The following PDZD8 variants were observed in gnomAD, a reference collection of about 807,000 sequenced individuals.
PDZD8 encodes the protein PDZ domain-containing protein 8.
A neutral mutation model predicts 85.8 loss-of-function variants in PDZD8; 14 were observed. That is an observed-to-expected ratio of 0.16 (90% CI 0.11 to 0.26). The LOEUF (loss-of-function observed/expected upper bound fraction) is 0.26, where lower values mean the gene tolerates loss of function less well. PDZD8 is among the 10% of genes least tolerant of loss of function. The pLI is 1.00. For missense variants in PDZD8, 1,197 were observed against 1,424.3 expected (o/e 0.84, Z 2.57); for synonymous variants, 592 against 568.6 (o/e 1.04, Z -0.59).
chr10:117,311,137 T>G (rs1456423858), intron 3 of PDZD8, among the ~76,000 whole-genome samples: 6 of 152,196 alleles, frequency 3.9e-5, no homozygotes, highest in Non-Finnish European at 8.8e-5. Flanking sequence ...ACTATACACA[T>G]AGAGTAAGAA....
At chr10:117,349,357 G>A (rs896959060) in intron 1 of PDZD8, among the ~76,000 whole-genome samples, 1 of 152,186 alleles carries the variant, frequency 6.6e-6, no homozygotes, top group African/African-American at 2.4e-5. Context: ...TGCTTTGAAT[G>A]GCACCAAGGT....
intron 4 of PDZD8, among the ~76,000 whole-genome samples, chr10:117,289,742 G>C (rs1218260878): frequency 6.6e-6 from 1 of 152,196 alleles, no homozygotes; most frequent in Non-Finnish European, 1.5e-5. Flanking sequence ...TCCTGGAAAA[G>C]GAATGTTGGT....
At position 117,279,876 on chromosome 10, in the gene PDZD8, G is replaced by A. The variant is rs917494422; in HGVS notation, c.*3392C>T. 4 of 152,116 alleles carry A rather than the reference G, an allele frequency of 2.6e-5. No individual in the cohort carries two copies. The highest frequency in any genetic ancestry group is 2.6e-4 in the Admixed American group (4 of 15,268). The allele number at this position is 152,116 out of a possible 1,614,324, so 9.4% of individuals were successfully genotyped here. On this transcript the variant is annotated 3_prime_UTR_variant, in exon 5 of 5. Transcript: ENST00000334464. ...CTAAAAGCGGATCTATGGCCCAAAA[G>A]GAATTAGGGGAACCTCTCCTTCTTT...
intron 2 of PDZD8, among the ~76,000 whole-genome samples, chr10:117,333,143 A>AAAAAAAAAC: frequency 6.7e-6 from 1 of 148,988 alleles, no homozygotes; most frequent in South Asian, 2.1e-4. Flanking sequence ...AAAAAAAAAA[A>AAAAAAAAAC]GGGGATATGG....
At chr10:117,369,563 A>G (rs1845154040) in intron 1 of PDZD8, among the ~76,000 whole-genome samples, 1 of 152,138 alleles carries the variant, frequency 6.6e-6, no homozygotes, top group East Asian at 1.9e-4. Context: ...CCAGCTATTA[A>G]GTCTTCTCAT....
chr10:117,375,119 C>G lies in PDZD8; in HGVS notation c.109G>C (p.Glu37Gln), dbSNP rs887649571. 8 of 1,592,324 alleles carry G rather than the reference C, an allele frequency of 5.0e-6. No homozygotes were observed. In the African/African-American group the frequency reaches 9.4e-5, roughly 19 times the overall value. The change falls in exon 1 of 5, where the codon GAG becomes CAG. Residue 37 changes from glutamate to glutamine, a missense_variant. This residue lies in a region of PDZD8 where 172 missense variants were observed against 137.8 expected (regional missense o/e 1.25). Transcript: ENST00000334464. ...YRRQPEPPAD[E>Q]AARAGEGFRY... Reference sequence around the variant, plus strand: ...AAGCCCTCGCCCGCGCGGGCGGCCTCGTCCGCCGGCGGCTCGGGCTGTCTG... The same window carrying G: ...AAGCCCTCGCCCGCGCGGGCGGCCTGGTCCGCCGGCGGCTCGGGCTGTCTG...
chr10:117,333,127 A>C (rs12246349), intron 2 of PDZD8, among the ~76,000 whole-genome samples: 250 of 27,648 alleles, frequency 9.0e-3, no homozygotes, highest in Middle Eastern at 0.026. Flanking sequence ...CAAAAAAAAA[A>C]AAAAAAAAAA....
chr10:117,282,964 T>C lies in PDZD8; in HGVS notation c.*304A>G, dbSNP rs1434333017. Reference sequence around the variant, plus strand: ...AGAAAAATAACACAAGGGGACACCATACATACATAAACATGAAAAGCTAGC... The same window carrying C: ...AGAAAAATAACACAAGGGGACACCACACATACATAAACATGAAAAGCTAGC... On this transcript the variant is annotated 3_prime_UTR_variant, in exon 5 of 5. Coordinates refer to ENST00000334464, the MANE Select transcript of PDZD8 (RefSeq NM_173791.5). 2 of 290,270 alleles carry C rather than the reference T, an allele frequency of 6.9e-6. No individual in the cohort carries two copies. Among genetic ancestry groups the C allele is most frequent in the South Asian group, 8.2e-5 (1 of 12,142 alleles). The allele number at this position is 290,270 out of a possible 1,614,324, so 18.0% of individuals were successfully genotyped here.
intron 1 of PDZD8, among the ~76,000 whole-genome samples, chr10:117,344,191 C>T (rs913810757): frequency 1.3e-5 from 2 of 152,184 alleles, no homozygotes; most frequent in Admixed American, 6.5e-5. Context: ...ATCTGCTCCC[C>T]AGTGAAATTC....
At chr10:117,310,248 C>T (rs1844013109) in intron 3 of PDZD8, among the ~76,000 whole-genome samples, 1 of 152,114 alleles carries the variant, frequency 6.6e-6, no homozygotes, top group South Asian at 2.1e-4. Flanking sequence ...ATGTCACCGC[C>T]TTAATATATT....
intron 2 of PDZD8, among the ~76,000 whole-genome samples, chr10:117,328,919 A>G (rs753788112): frequency 1.3e-5 from 2 of 152,234 alleles, no homozygotes; most frequent in Non-Finnish European, 2.9e-5. Flanking sequence ...TTTGAAAAAC[A>G]TGGAAATTTC....
intron 3 of PDZD8, among the ~76,000 whole-genome samples, chr10:117,306,102 C>T (rs1843938855): frequency 6.6e-6 from 1 of 152,116 alleles, no homozygotes; most frequent in Admixed American, 6.5e-5. Flanking sequence ...CAAGTGACCC[C>T]CCTCAATCTT....
intron 1 of PDZD8, among the ~76,000 whole-genome samples, chr10:117,370,526 TAAG>T (rs1183949287): frequency 2.0e-5 from 3 of 152,204 alleles, no homozygotes; most frequent in African/African-American, 7.2e-5. Flanking sequence ...TTAGCTCTAC[TAAG>T]AAGATTAGAT....
intron 2 of PDZD8, among the ~76,000 whole-genome samples, chr10:117,330,041 G>A (rs1481519041): frequency 1.9e-5 from 2 of 106,140 alleles, no homozygotes; most frequent in Non-Finnish European, 1.9e-5. Context: ...AGGGAGGGAG[G>A]GAGGGAGGGA....
chr10:117,368,002 G>A (rs1202715844), intron 1 of PDZD8, among the ~76,000 whole-genome samples: 1 of 152,078 alleles, frequency 6.6e-6, no homozygotes, highest in Non-Finnish European at 1.5e-5. Flanking sequence ...GATCTCTCCT[G>A]TTCCAGTTTC....
At chr10:117,301,751 A>G (rs1442281076) in intron 3 of PDZD8, among the ~76,000 whole-genome samples, 1 of 152,202 alleles carries the variant, frequency 6.6e-6, no homozygotes, top group African/African-American at 2.4e-5. Context: ...ACCTTTAAAA[A>G]TCACAACCAT....
At chr10:117,371,334 G>A (rs561268634) in intron 1 of PDZD8, among the ~76,000 whole-genome samples, 22 of 152,094 alleles carry the variant, frequency 1.4e-4, no homozygotes, top group African/African-American at 4.8e-4. Flanking sequence ...ACAGGCGCCC[G>A]CCACCACGCC....
At chr10:117,366,892 T>C (rs540101112) in intron 1 of PDZD8, among the ~76,000 whole-genome samples, 2 of 152,336 alleles carry the variant, frequency 1.3e-5, no homozygotes, top group South Asian at 4.1e-4. Flanking sequence ...TGCAACTGCA[T>C]GGAAATGCCC....
Position 117,283,508 on chromosome 10 carries a change from A to G in PDZD8, c.3225T>C (p.Ala1075=), listed in dbSNP as rs1473066734. ...TDTRKKSLLS[A]ALAKSGERLQ... ...GCCTTTCACCTGATTTAGCTAAGGC[A>G]GCAGAAAGAAGTGATTTTTTCCTTG... Residue 1075 remains alanine, a synonymous_variant, in exon 5 of 5, where the codon GCT becomes GCC. Coordinates refer to ENST00000334464, the MANE Select transcript of PDZD8 (RefSeq NM_173791.5). 6.2e-7 allele frequency: 1 copy of G among 1,614,132 alleles called. No homozygotes were observed. The highest frequency in any genetic ancestry group is 8.5e-7 in the Non-Finnish European group (1 of 1,180,048).
Sources: gnomAD v4.1 joint callset for allele counts (sites outside exome capture counted in the v4.1 genomes callset) on GRCh38, gnomAD v4.1.1 for gene constraint, gnomAD v4.1.1 regional missense constraint, MANE v1.5 for transcripts, NCBI Gene and HGNC (gene_info 2026-07-23, HGNC 2026-07-21) for gene names.